Variants in ALDH6A1 observed in about 807,000 individuals in gnomAD.
ALDH6A1 encodes the protein methylmalonate-semialdehyde/malonate-semialdehyde dehydrogenase [acylating], mitochondrial.
Under a neutral mutation model 62.6 loss-of-function variants are expected in ALDH6A1, and 43 were observed. The ratio of observed to expected loss-of-function variants is 0.69; its 90% CI spans 0.54 to 0.89. The LOEUF (loss-of-function observed/expected upper bound fraction) is 0.89. ALDH6A1 is among the 40% of genes least tolerant of loss of function. The pLI is 0.00. For synonymous variants in ALDH6A1, 194 were observed against 234.2 expected, an observed-to-expected ratio of 0.83 and a Z score of 1.57; for missense variants, 551 against 661.3, an observed-to-expected ratio of 0.83 and a Z score of 1.83.
At chr14:74,080,950 G>A (rs1424345199) in intron 1 of ALDH6A1, 1 of 152,238 alleles carries the variant, frequency 6.6e-6, no homozygotes, top group Non-Finnish European at 1.5e-5. Flanking sequence ...TTTCCTCCCT[G>A]TTCTCTATGC....
intron 9 of ALDH6A1, 35 bp downstream of exon 9, chr14:74,066,670 T>C (rs767063490): frequency 6.3e-7 from 1 of 1,597,608 alleles, no homozygotes. Context: ...TAAGGTGCCT[T>C]CAGCTCTCAT....
At chr14:74,078,341 C>A in intron 1 of ALDH6A1, 1 of 438,420 alleles carries the variant, frequency 2.3e-6, no homozygotes, top group East Asian at 7.1e-5. Flanking sequence ...TATATGTGGA[C>A]TGGATGAAGA....
intron 6 of ALDH6A1, among the ~76,000 whole-genome samples, chr14:74,069,937 T>C (rs1302409224): frequency 6.7e-6 from 1 of 150,154 alleles, no homozygotes; most frequent in Non-Finnish European, 1.5e-5. Context: ...CTGCAACCTC[T>C]GTTTGCCAGG....
intron 2 of ALDH6A1, 60 bp downstream of exon 2, chr14:74,074,895 A>C: frequency 6.5e-7 from 1 of 1,532,252 alleles, no homozygotes; most frequent in Non-Finnish European, 9.0e-7. Flanking sequence ...GAAGATAGAG[A>C]TACCCAAAAC....
Position 74,060,324 on chromosome 14 carries a change from G to C in ALDH6A1, c.*318C>G. On this transcript the variant is annotated 3_prime_UTR_variant, in exon 12 of 12. Coordinates refer to ENST00000553458, the MANE Select transcript of ALDH6A1 (RefSeq NM_005589.4). ...TGGAACATTTTCTTTACATACACTG[G>C]CTTTTCTCCCCTTCAAATCATCAGA... The C allele has an allele frequency of 3.0e-6, 1 of 329,250 alleles. No homozygotes were observed. Among genetic ancestry groups the C allele is most frequent in the Middle Eastern group, 1.0e-3 (1 of 962 alleles). 20.4% of individuals were successfully genotyped at this position (329,250 alleles called of 1,614,324 possible).
At chr14:74,075,139 TAC>T in intron 1 of ALDH6A1, 122 bp from the exon 2 acceptor site, 1 of 813,992 alleles carries the variant, frequency 1.2e-6, no homozygotes, top group Non-Finnish European at 2.1e-6. Flanking sequence ...TCAAAGGCCA[TAC>T]AGTCATTAAA....
chr14:74,063,522 C>T (rs1174400971), intron 11 of ALDH6A1, among the ~76,000 whole-genome samples: 3 of 151,702 alleles, frequency 2.0e-5, no homozygotes, highest in Non-Finnish European at 4.4e-5. Flanking sequence ...TTATGAAATA[C>T]ATAGGTACTA....
chr14:74,064,796 G>T, intron 11 of ALDH6A1, 26 bp downstream of exon 11: 1 of 1,612,778 alleles, frequency 6.2e-7, no homozygotes, highest in Non-Finnish European at 8.5e-7. Flanking sequence ...TAAAGGAAAA[G>T]ACAAAAAATT....
At position 74,076,338 on chromosome 14, in the gene ALDH6A1, CA is replaced by C. The variant is rs556866974; in HGVS notation, c.49-1322del. Among the ~76,000 whole-genome samples, 477 of 152,236 alleles carry C rather than the reference CA, an allele frequency of 3.1e-3. 2 individuals carry two copies. The highest frequency in any genetic ancestry group is 5.6e-3 in the Non-Finnish European group (384 of 68,032). On this transcript the variant is annotated intron_variant, in intron 1 of 11. Coordinates refer to ENST00000553458, the MANE Select transcript of ALDH6A1 (RefSeq NM_005589.4). ...ACAAGATAACTCTCAAATTGTAACT[CA>C]CTAAAAAAGTCTGTATATATGTTAT... is the stretch of plus-strand genomic sequence containing the variant.
chr14:74,064,289 C>T (rs2060417452), intron 11 of ALDH6A1, among the ~76,000 whole-genome samples: 1 of 130,144 alleles, frequency 7.7e-6, no homozygotes, highest in Admixed American at 7.6e-5. Context: ...CAGAGCGAGA[C>T]TGTGTCTCAA....
intron 2 of ALDH6A1, among the ~76,000 whole-genome samples, chr14:74,072,916 C>T (rs1005244884): frequency 6.6e-6 from 1 of 151,872 alleles, no homozygotes; most frequent in African/African-American, 2.4e-5. Flanking sequence ...TCTCTTGCCT[C>T]AGCCCTTCGA....
chr14:74,074,993 G>C lies in ALDH6A1; in HGVS notation c.73C>G (p.Pro25Ala). The C allele has an allele frequency of 6.2e-7, 1 of 1,614,010 alleles. No individual in the cohort carries two copies. Among genetic ancestry groups the C allele is most frequent in the Non-Finnish European group, 8.5e-7 (1 of 1,179,952 alleles). The change falls in exon 2 of 12, where the codon CCC (proline) becomes GCC (alanine). Residue 25 changes from proline to alanine, a missense_variant. Physicochemically the swap from Pro to Ala is conservative, Grantham distance 27 (BLOSUM62 -1). Coordinates refer to ENST00000553458, the MANE Select transcript of ALDH6A1 (RefSeq NM_005589.4). ...AAGGAAGATGCTGAATACCAGGTGG[G>C]ACTGGATTTCACCTTGGAAGAAACC... The part of the protein sequence containing the change: ...LQVSSKVKSS[P>A]TWYSASSFSS...
At chr14:74,071,693 C>T in intron 5 of ALDH6A1, 196 bp from the exon 6 acceptor site, 1 of 1,491,492 alleles carries the variant, frequency 6.7e-7, no homozygotes, top group Non-Finnish European at 9.0e-7. Flanking sequence ...TATGTATATA[C>T]CCACTGGAAG....
chr14:74,062,062 A>G (rs2060356308), intron 11 of ALDH6A1, among the ~76,000 whole-genome samples: 2 of 135,944 alleles, frequency 1.5e-5, no homozygotes, highest in Non-Finnish European at 3.1e-5. Flanking sequence ...AAAAAAAAAA[A>G]AAAAAAAAAA....
At chr14:74,061,514 T>C (rs2060341366) in intron 11 of ALDH6A1, among the ~76,000 whole-genome samples, 1 of 152,118 alleles carries the variant, frequency 6.6e-6, no homozygotes. Context: ...TTAGCCCATG[T>C]TGGCTAGCAC....
At chr14:74,076,490 T>C (rs549064604) in intron 1 of ALDH6A1, among the ~76,000 whole-genome samples, 1 of 152,244 alleles carries the variant, frequency 6.6e-6, no homozygotes, top group South Asian at 2.1e-4. Flanking sequence ...GCCTGCCAAG[T>C]AGCTCAGATT....
rs754570761 is a variant in ALDH6A1 at position 74,057,220 on chromosome 14, C to T, written c.*3422G>A. The T allele has an allele frequency of 6.2e-7, 1 of 1,613,784 alleles. No homozygotes were observed. The highest frequency in any genetic ancestry group is 8.5e-7 in the Non-Finnish European group (1 of 1,179,692). On this transcript the variant is annotated 3_prime_UTR_variant, in exon 12 of 12. Transcript: ENST00000553458. ...ATCAGACTCTTCTGGTGAAGTGGTG[C>T]TACCCACTATTCCAAAAGAACCTCA...
chr14:74,058,326 C>G lies in ALDH6A1; in HGVS notation c.*2316G>C, dbSNP rs1275783412. The G allele has an allele frequency of 6.6e-6, 1 of 151,220 alleles. No individual in the cohort carries two copies. Among genetic ancestry groups the G allele is most frequent in the Non-Finnish European group, 1.5e-5 (1 of 67,960 alleles). The allele number at this position is 151,220 out of a possible 1,614,324, so 9.4% of individuals were successfully genotyped here. A position where few individuals can be genotyped will look rare whatever the true frequency, so the allele number is the denominator to read the frequency against. ...TGGGCAACAGAGCGAGACTCCATCT[C>G]AAAACAAAACAAAACAACAACAAAA... On this transcript the variant is annotated 3_prime_UTR_variant, in exon 12 of 12. Coordinates refer to ENST00000553458, the MANE Select transcript of ALDH6A1 (RefSeq NM_005589.4).
Position 74,065,306 on chromosome 14 carries a change from C to T in ALDH6A1, c.1279G>A (p.Glu427Lys). ...EIFGPVLVVL[E>K]TETLDEAIQI... is the part of the protein sequence containing the mutation. ...ATGGCTTCATCCAATGTTTCTGTCT[C>T]CAGAACCACAAGAACTGGACCAAAA... The change falls in exon 10 of 12, where the codon GAG becomes AAG. Residue 427 changes from glutamate to lysine, a missense_variant. Coordinates refer to ENST00000553458, the MANE Select transcript of ALDH6A1 (RefSeq NM_005589.4). 6.2e-7 allele frequency: 1 copy of T among 1,614,022 alleles called. No homozygotes were observed. Among genetic ancestry groups the T allele is most frequent in the Non-Finnish European group, 8.5e-7 (1 of 1,180,004 alleles).
Sources: allele counts gnomAD v4.1 joint callset (sites outside exome capture counted in the v4.1 genomes callset), GRCh38; gene constraint gnomAD v4.1.1; transcripts MANE v1.5; gene names NCBI Gene and HGNC (gene_info 2026-07-23, HGNC 2026-07-21).